INPP5A: variants seen among roughly 807,000 people sequenced by gnomAD.
INPP5A encodes inositol polyphosphate-5-phosphatase A.
A neutral mutation model predicts 65.2 loss-of-function variants in INPP5A; 14 were observed. That is an observed-to-expected ratio of 0.21 (90% CI 0.14 to 0.34). The LOEUF (loss-of-function observed/expected upper bound fraction) is 0.34, where lower values mean the gene tolerates loss of function less well. Among genes scored for constraint, INPP5A ranks in the 10% least tolerant of loss-of-function variants. The pLI, the probability that INPP5A is intolerant of heterozygous loss-of-function variation, is 1.00. For synonymous variants in INPP5A, 207 were observed against 208.3 expected (o/e 0.99, Z 0.05); for missense variants, 431 against 545.6 (o/e 0.79, Z 2.09).
intron 3 of INPP5A, among the ~76,000 whole-genome samples, chr10:132,649,111 G>A (rs886808661): frequency 2.0e-5 from 3 of 152,172 alleles, no homozygotes; most frequent in Non-Finnish European, 4.4e-5. Context: ...CTCTGTTGCT[G>A]TATTTTTAAG....
At chr10:132,690,798 T>C (rs1050664892) in intron 5 of INPP5A, among the ~76,000 whole-genome samples, 2 of 152,122 alleles carry the variant, frequency 1.3e-5, no homozygotes, top group Non-Finnish European at 2.9e-5. Flanking sequence ...GCAGGGACGG[T>C]CCTCCCTGCC....
At chr10:132,743,489 G>C (rs566175773) in intron 9 of INPP5A, among the ~76,000 whole-genome samples, 1 of 152,238 alleles carries the variant, frequency 6.6e-6, no homozygotes, top group African/African-American at 2.4e-5. Flanking sequence ...CCCCTTGCGC[G>C]AACCCTGGAG....
At chr10:132,680,682 G>C (rs1003511770) in intron 4 of INPP5A, among the ~76,000 whole-genome samples, 1 of 152,248 alleles carries the variant, frequency 6.6e-6, no homozygotes, top group Non-Finnish European at 1.5e-5. Context: ...AGCGGGAACC[G>C]GGGCTGCGCG....
At chr10:132,630,563 C>G (rs2072252385) in intron 2 of INPP5A, among the ~76,000 whole-genome samples, 2 of 150,092 alleles carry the variant, frequency 1.3e-5, no homozygotes, top group Non-Finnish European at 2.9e-5. Context: ...GAGGGGAAGA[C>G]ATCCATGAGA....
At chr10:132,780,387 C>CA (rs1847139551) in intron 13 of INPP5A, among the ~76,000 whole-genome samples, 1 of 152,232 alleles carries the variant, frequency 6.6e-6, no homozygotes, top group Non-Finnish European at 1.5e-5. Flanking sequence ...GTTAATAGAA[C>CA]AGTCAAAAAC....
chr10:132,660,579 G>T (rs1018505242), intron 4 of INPP5A, among the ~76,000 whole-genome samples: 1 of 152,236 alleles, frequency 6.6e-6, no homozygotes, highest in Admixed American at 6.5e-5. Flanking sequence ...ACCTGTGTCA[G>T]CAACAGGTGG....
At chr10:132,766,090 GTGTGTGCACGAGTGCATC>G (rs1364185594) in intron 12 of INPP5A, among the ~76,000 whole-genome samples, 7 of 152,024 alleles carry the variant, frequency 4.6e-5, no homozygotes, top group African/African-American at 1.5e-4. Flanking sequence ...GTGCACGAGT[GTGTGTGCACGAGTGCATC>G]TGTGTGTGCA....
chr10:132,579,892 A>G (rs971092853), intron 1 of INPP5A, among the ~76,000 whole-genome samples: 5 of 150,496 alleles, frequency 3.3e-5, no homozygotes, highest in Non-Finnish European at 7.4e-5. Context: ...CCTGAAGCTC[A>G]GCCACCATGC....
At chr10:132,615,348 G>A (rs183730210) in intron 2 of INPP5A, among the ~76,000 whole-genome samples, 16 of 152,358 alleles carry the variant, frequency 1.1e-4, no homozygotes, top group African/African-American at 2.2e-4. Context: ...TTTAAAAAAT[G>A]TGCACCCTGG....
chr10:132,584,982 TC>T (rs1480790788), intron 1 of INPP5A, among the ~76,000 whole-genome samples: 3 of 152,212 alleles, frequency 2.0e-5, no homozygotes, highest in Admixed American at 1.3e-4. Flanking sequence ...CTGGGATTTT[TC>T]TGTTTTCTGT....
At chr10:132,673,111 G>C (rs1413732043) in intron 4 of INPP5A, among the ~76,000 whole-genome samples, 1 of 152,170 alleles carries the variant, frequency 6.6e-6, no homozygotes, top group Non-Finnish European at 1.5e-5. Flanking sequence ...CACCTTGATA[G>C]ACCAGATCAA....
At chr10:132,749,656 G>C in intron 10 of INPP5A, 44 bp downstream of exon 10, 2 of 1,595,442 alleles carry the variant, frequency 1.3e-6, no homozygotes, top group South Asian at 1.1e-5. Context: ...CGGGGCCTGC[G>C]CAGGACTCTG....
chr10:132,747,205 G>C (rs988942939), intron 9 of INPP5A, among the ~76,000 whole-genome samples: 2 of 152,254 alleles, frequency 1.3e-5, no homozygotes, highest in African/African-American at 4.8e-5. Context: ...ATCTGGATGG[G>C]GCCGGACCTC....
intron 9 of INPP5A, among the ~76,000 whole-genome samples, chr10:132,739,498 G>A (rs1212550479): frequency 1.3e-5 from 2 of 152,370 alleles, no homozygotes; most frequent in Middle Eastern, 3.4e-3. Context: ...GGGCACAGCT[G>A]TTGCCCTGTG....
intron 4 of INPP5A, among the ~76,000 whole-genome samples, chr10:132,664,035 A>G (rs991799257): frequency 6.6e-6 from 1 of 152,248 alleles, no homozygotes; most frequent in Admixed American, 6.5e-5. Flanking sequence ...TAAAGCTCTT[A>G]AGGACTTTCA....
chr10:132,611,672 C>CAGAG (rs2071953593), intron 2 of INPP5A, among the ~76,000 whole-genome samples: 1 of 128,146 alleles, frequency 7.8e-6, no homozygotes, highest in South Asian at 2.7e-4. Flanking sequence ...GAGGCCCTGT[C>CAGAG]AGGGGAGGGT....
chr10:132,616,696 G>A lies in INPP5A; in HGVS notation c.117+8740G>A, dbSNP rs935894473. On this transcript the variant is annotated intron_variant, in intron 2 of 15. Coordinates refer to ENST00000368594, the MANE Select transcript of INPP5A (RefSeq NM_005539.5). The surrounding 1 kb of genome is among the most constrained non-coding windows in gnomAD (Gnocchi z 4.9). Reference sequence around the variant, plus strand: ...GTGGTGATGGAGGTGGTGTGGTAATGTGGCGTGGAGGATGCAGTGTGGGGG... The same window carrying A: ...GTGGTGATGGAGGTGGTGTGGTAATATGGCGTGGAGGATGCAGTGTGGGGG... Among the ~76,000 whole-genome samples the A allele has an allele frequency of 6.6e-6, 1 of 151,588 alleles. No homozygotes were observed. The highest frequency in any genetic ancestry group is 1.5e-5 in the Non-Finnish European group (1 of 67,850).
At chr10:132,653,200 T>C (rs1043522386) in intron 4 of INPP5A, among the ~76,000 whole-genome samples, 30 of 152,196 alleles carry the variant, frequency 2.0e-4, no homozygotes, top group African/African-American at 6.5e-4. Context: ...CATGCTGTAG[T>C]TCTGTTTCCA....
chr10:132,761,863 CA>C (rs1469110635), intron 11 of INPP5A, among the ~76,000 whole-genome samples: 1 of 151,848 alleles, frequency 6.6e-6, no homozygotes, highest in Non-Finnish European at 1.5e-5. Context: ...TCAATAATGC[CA>C]AATCATCGAA....
Sources: allele counts gnomAD v4.1 joint callset (sites outside exome capture counted in the v4.1 genomes callset), GRCh38; gene constraint gnomAD v4.1.1; non-coding constraint Gnocchi (gnomAD v3.1); transcripts MANE v1.5; gene names NCBI Gene and HGNC (gene_info 2026-07-23, HGNC 2026-07-21).